NUP58: variants seen among roughly 807,000 people sequenced by gnomAD.
NUP58 encodes the protein nucleoporin 58, also known as nucleoporin p58/p45.
Under a neutral mutation model 70.1 loss-of-function variants are expected in NUP58, and 17 were observed. The ratio of observed to expected loss-of-function variants is 0.24; its 90% CI spans 0.17 to 0.36. The LOEUF (loss-of-function observed/expected upper bound fraction) is 0.36. NUP58 is among the 10% of genes least tolerant of loss of function. The probability of loss-of-function intolerance (pLI) is 1.00; values close to 1 mark genes in which losing one functional copy is unlikely to be tolerated. For synonymous variants in NUP58, 275 were observed against 257.6 expected (o/e 1.07, Z -0.65); for missense variants, 644 against 701.5 (o/e 0.92, Z 0.93).
intron 1 of NUP58, among the ~76,000 whole-genome samples, chr13:25,306,299 G>T (rs555200248): frequency 6.6e-6 from 1 of 151,708 alleles, no homozygotes; most frequent in African/African-American, 2.4e-5. Flanking sequence ...GAGCTACTCC[G>T]GAGGCTGAGG....
intron 1 of NUP58, among the ~76,000 whole-genome samples, chr13:25,307,559 T>G (rs1320375367): frequency 6.6e-6 from 1 of 152,134 alleles, no homozygotes; most frequent in Non-Finnish European, 1.5e-5. Flanking sequence ...ACATGTGGAT[T>G]TATTTTTTTT....
intron 6 of NUP58, among the ~76,000 whole-genome samples, chr13:25,317,041 T>A (rs905477867): frequency 1.3e-5 from 2 of 152,200 alleles, no homozygotes; most frequent in Non-Finnish European, 2.9e-5. Flanking sequence ...TCTTTTTTTT[T>A]AATCCAAATG....
chr13:25,339,933 C>T, intron 15 of NUP58, 32 bp from the exon 16 acceptor site: 1 of 1,523,878 alleles, frequency 6.6e-7, no homozygotes, highest in Middle Eastern at 1.7e-4. Flanking sequence ...AATTCAACTT[C>T]TGATATGAAT....
intron 13 of NUP58, chr13:25,334,338 C>T: frequency 3.0e-6 from 3 of 985,308 alleles, no homozygotes; most frequent in Non-Finnish European, 3.6e-6. Context: ...TGTTTTGACA[C>T]TTTAAGAGTT....
In NUP58 at chr13:25,324,939, T is replaced by C. The variant is rs755290382; in HGVS notation, c.952-50T>C. On this transcript the variant is annotated intron_variant, in intron 9 of 15. Transcript: ENST00000381736. ...TTTTTTTCGTACGGTATTTTTAACA[T>C]AACTCTTAACTGGCTTTTTTTTTTT... The C allele has an allele frequency of 2.1e-5, 26 of 1,258,846 alleles. No homozygotes were observed. In the African/African-American group the frequency reaches 3.9e-4, roughly 19 times the overall value. 78.0% of individuals were successfully genotyped at this position (1,258,846 alleles called of 1,614,324 possible). A position where few individuals can be genotyped will look rare whatever the true frequency, so the allele number is the denominator to read the frequency against.
At chr13:25,343,805 GTATATATATATA>G (rs59054918), downstream of NUP58, among the ~76,000 whole-genome samples, 1 of 137,664 alleles carries the variant, frequency 7.3e-6, no homozygotes. Context: ...ACATATATAT[GTATATATATATA>G]TATATATATA....
At chr13:25,303,110 T>C in intron 1 of NUP58, 1 of 456,092 alleles carries the variant, frequency 2.2e-6, no homozygotes. Context: ...AGATGAAAAC[T>C]ACTCCAATCA....
chr13:25,333,744 T>A, intron 13 of NUP58: 1 of 985,164 alleles, frequency 1.0e-6, no homozygotes, highest in Non-Finnish European at 1.2e-6. Flanking sequence ...CCCCATAAGT[T>A]ATCCCTTATG....
At chr13:25,326,268 G>A (rs2031390289) in intron 10 of NUP58, among the ~76,000 whole-genome samples, 1 of 151,500 alleles carries the variant, frequency 6.6e-6, no homozygotes, top group Non-Finnish European at 1.5e-5. Context: ...TTTGCAAAAT[G>A]CATTCATGGT....
At chr13:25,308,459 C>T (rs894165608) in intron 2 of NUP58, among the ~76,000 whole-genome samples, 32 of 145,210 alleles carry the variant, frequency 2.2e-4, no homozygotes, top group African/African-American at 6.8e-4. Flanking sequence ...TGCACCACCA[C>T]GCCTGGCTAA....
At chr13:25,347,511 G>GT (rs374326367) in intron 3 of NUP58, among the ~76,000 whole-genome samples, 5 of 152,178 alleles carry the variant, frequency 3.3e-5, no homozygotes, top group African/African-American at 1.2e-4. Flanking sequence ...CCTGAGCAGG[G>GT]TTATAACCTC....
Position 25,301,802 on chromosome 13 carries a change from G to T in NUP58, c.29G>T (p.Gly10Val). 6.2e-7 allele frequency: 1 copy of T among 1,613,532 alleles called. No individual in the cohort carries two copies. The highest frequency in any genetic ancestry group is 8.5e-7 in the Non-Finnish European group (1 of 1,179,834). MSTGFSFGS[G>V]TLGSTTVAAG... is the part of the protein sequence containing the mutation. ...TCCACAGGGTTCTCCTTCGGGTCCG[G>T]GACTCTGGGCTCCACCACCGTGGCC... Residue 10 changes from glycine (G) to valine (V), a missense_variant, in exon 1 of 16, where the codon GGG (glycine) becomes GTG (valine). Gly to Val is a moderately radical substitution (Grantham distance 109, BLOSUM62 -3). Around this residue, in one of 4 missense-constraint regions of NUP58, gnomAD observed 430 missense variants for 409.2 expected, o/e 1.05. Coordinates refer to ENST00000381736, the MANE Select transcript of NUP58 (RefSeq NM_014089.4).
chr13:25,313,640 T>C lies in NUP58; in HGVS notation c.463T>C (p.Leu155=), dbSNP rs77639634. The change falls in exon 5 of 16, where the codon TTG becomes CTG. Residue 155 remains leucine, a synonymous_variant. Transcript: ENST00000381736. ...ATCCACAGGATTTACTCTAAATAAT[T>C]TGGGTGGGACAACAGCCACAACTAC... The part of the protein sequence containing the change: ...AASTGFTLNN[L]GGTTATTTTA... 3,361 of 1,523,514 alleles carry C rather than the reference T, an allele frequency of 2.2e-3. 73 individuals carry two copies. The African/African-American group carries it at 0.044, about 20-fold the overall frequency. The allele number at this position is 1,523,514 out of a possible 1,614,324, so 94.4% of individuals were successfully genotyped here.
chr13:25,326,419 A>T (rs2137795331), intron 10 of NUP58, among the ~76,000 whole-genome samples: 1 of 151,984 alleles, frequency 6.6e-6, no homozygotes, highest in Admixed American at 6.6e-5. Flanking sequence ...TTTCTGTAGT[A>T]TACTATGGTG....
At position 25,301,688 on chromosome 13, in the gene NUP58, T is replaced by G. The variant is rs923480471; in HGVS notation, c.-86T>G. On this transcript the variant is annotated 5_prime_UTR_variant, in exon 1 of 16. The change abolishes an upstream ATG in the 5' untranslated region. Coordinates refer to ENST00000381736, the MANE Select transcript of NUP58 (RefSeq NM_014089.4). ...CCAGGTCCGTGCCGGGCGAGAGAGA[T>G]GCTGCCCGGCCCGCCTCGGCTTTGA... The G allele has an allele frequency of 7.3e-6, 5 of 680,978 alleles. No individual in the cohort carries two copies. In the East Asian group the frequency reaches 1.4e-4, roughly 19 times the overall value. 42.2% of individuals were successfully genotyped at this position (680,978 alleles called of 1,614,324 possible).
intron 1 of NUP58, among the ~76,000 whole-genome samples, chr13:25,304,206 A>G (rs2030175363): frequency 6.6e-6 from 1 of 152,148 alleles, no homozygotes; most frequent in Non-Finnish European, 1.5e-5. Context: ...AAGCTGGGCA[A>G]GTTAAAATAA....
chr13:25,315,508 T>A, intron 6 of NUP58, 41 bp downstream of exon 6: 1 of 1,407,662 alleles, frequency 7.1e-7, no homozygotes, highest in South Asian at 1.2e-5. Flanking sequence ...AACAGTTCTG[T>A]TGAGGGAATG....
At chr13:25,326,464 A>G (rs1342015685) in intron 10 of NUP58, among the ~76,000 whole-genome samples, 4 of 152,136 alleles carry the variant, frequency 2.6e-5, no homozygotes, top group Admixed American at 2.0e-4. Flanking sequence ...TAAAATGACT[A>G]TAAATTCTTA....
intron 11 of NUP58, 112 bp from the exon 12 acceptor site, chr13:25,327,318 T>C: frequency 1.6e-6 from 1 of 629,178 alleles, no homozygotes; most frequent in South Asian, 2.4e-5. Flanking sequence ...TTGATAGAGT[T>C]TTTTTCTCCT....
Sources: allele counts gnomAD v4.1 joint callset (sites outside exome capture counted in the v4.1 genomes callset), GRCh38; gene constraint gnomAD v4.1.1; regional missense constraint gnomAD v4.1.1; transcripts MANE v1.5; gene names NCBI Gene and HGNC (gene_info 2026-07-23, HGNC 2026-07-21).